The following CA10 variants were observed in gnomAD, a reference collection of about 807,000 sequenced individuals.
CA10 encodes the protein carbonic anhydrase-related protein 10.
A neutral mutation model predicts 44.2 loss-of-function variants in CA10; 14 were observed. The ratio of observed to expected loss-of-function variants is 0.32; its 90% confidence interval spans 0.21 to 0.50. The LOEUF (loss-of-function observed/expected upper bound fraction) is 0.50. Ranked by LOEUF, CA10 falls within the 20% of genes least tolerant of loss-of-function variation. CA10 has a pLI of 0.99. For missense variants in CA10, 350 were observed against 409.7 expected (o/e 0.85, Z 1.26); for synonymous variants, 159 against 141.6 (o/e 1.12, Z -0.87).
chr17:51,721,571 G>C (rs893482904), intron 4 of CA10, among the ~76,000 whole-genome samples: 6 of 151,900 alleles, frequency 3.9e-5, no homozygotes, highest in Admixed American at 6.6e-5. Flanking sequence ...CTGAGCTCAA[G>C]TGATCTGCCC....
At chr17:52,096,140 T>C (rs543287979) in intron 1 of CA10, among the ~76,000 whole-genome samples, 2 of 152,232 alleles carry the variant, frequency 1.3e-5, no homozygotes, top group South Asian at 4.1e-4. Context: ...GTACTAAGGT[T>C]CACCTGGCTG....
intron 3 of CA10, among the ~76,000 whole-genome samples, chr17:51,772,149 C>T (rs1213156326): frequency 1.3e-5 from 2 of 152,122 alleles, no homozygotes; most frequent in African/African-American, 4.8e-5. Context: ...ATGGGGAGAA[C>T]AATAGTGGCT....
At chr17:51,844,585 G>A (rs1385636785) in intron 3 of CA10, among the ~76,000 whole-genome samples, 2 of 152,092 alleles carry the variant, frequency 1.3e-5, no homozygotes, top group Non-Finnish European at 2.9e-5. Context: ...TAAATAACAT[G>A]GAATGTCTGT....
Position 52,158,061 on chromosome 17 carries a change from T to C in CA10, c.-275A>G. ...TGCCTTGGAGGTCTCCCCGCTCGCGTGTCTCTTCTCTTCGCACCAGCGGCG... is the reference window on the plus strand; with the variant it reads ...TGCCTTGGAGGTCTCCCCGCTCGCGCGTCTCTTCTCTTCGCACCAGCGGCG... On this transcript the variant is annotated 5_prime_UTR_variant, in exon 1 of 9. Coordinates refer to ENST00000451037, the MANE Select transcript of CA10 (RefSeq NM_020178.5). 1 of 539,572 alleles carries C rather than the reference T, an allele frequency of 1.9e-6. No homozygotes were observed. The highest frequency in any genetic ancestry group is 3.3e-6 in the Non-Finnish European group (1 of 301,806). 33.4% of individuals were successfully genotyped at this position (539,572 alleles called of 1,614,324 possible). A position where few individuals can be genotyped will look rare whatever the true frequency, so the allele number is the denominator to read the frequency against.
intron 3 of CA10, among the ~76,000 whole-genome samples, chr17:51,841,927 G>T (rs535473059): frequency 6.6e-6 from 1 of 152,324 alleles, no homozygotes; most frequent in South Asian, 2.1e-4. Context: ...AAGAGGAAGA[G>T]AAGGGGCTGT....
intron 3 of CA10, among the ~76,000 whole-genome samples, chr17:51,778,774 A>T (rs1297785807): frequency 6.6e-6 from 1 of 152,236 alleles, no homozygotes; most frequent in African/African-American, 2.4e-5. Flanking sequence ...GCTAGAAGGT[A>T]CAACAAATGC....
intron 2 of CA10, among the ~76,000 whole-genome samples, chr17:52,017,284 C>A (rs1398677713): frequency 6.6e-6 from 1 of 152,018 alleles, no homozygotes; most frequent in African/African-American, 2.4e-5. Context: ...CAGAGGAAGG[C>A]AGGAAGAAAG....
rs533670796 is a variant in CA10, at chr17:51,993,671, T to C, written c.137-62539A>G. Among the ~76,000 whole-genome samples the C allele has an allele frequency of 2.1e-3, 321 of 152,216 alleles. 1 individual carries two copies. The highest frequency in any genetic ancestry group is 7.3e-3 in the African/African-American group (303 of 41,568). On this transcript the variant is annotated intron_variant, in intron 2 of 8. Coordinates refer to ENST00000451037, the MANE Select transcript of CA10 (RefSeq NM_020178.5). ...TAACTCAAGGTCTTCCAAATCAGCCTTAAAAATAAGTATTATTTTGAGCTG... is the reference window on the plus strand; with the variant it reads ...TAACTCAAGGTCTTCCAAATCAGCCCTAAAAATAAGTATTATTTTGAGCTG...
intron 3 of CA10, among the ~76,000 whole-genome samples, chr17:51,867,912 A>T (rs1979623653): frequency 6.6e-6 from 1 of 152,076 alleles, no homozygotes; most frequent in East Asian, 1.9e-4. Context: ...GATTCTAAAA[A>T]CCTCTCAAAA....
intron 2 of CA10, among the ~76,000 whole-genome samples, chr17:52,016,878 C>T (rs115949429): frequency 2.1e-3 from 320 of 152,060 alleles, no homozygotes; most frequent in African/African-American, 7.3e-3. Context: ...GTGCCACTGC[C>T]CTCCAGCCTA....
At position 51,733,267 on chromosome 17, in the gene CA10, G is replaced by A. The variant is rs142683320; in HGVS notation, c.465+14366C>T. 6.2e-4 allele frequency among the ~76,000 whole-genome samples: 94 copies of A among 152,224 alleles called. 1 individual carries two copies. In the East Asian group the frequency reaches 0.018, roughly 29 times the overall value. On this transcript the variant is annotated intron_variant, in intron 4 of 8. Transcript: ENST00000451037. Reference sequence around the variant, plus strand: ...AACACTACCTGGTCCTCCCCAAATTGCCACACGCTCCAGGGAATTAGATGA... The same window carrying A: ...AACACTACCTGGTCCTCCCCAAATTACCACACGCTCCAGGGAATTAGATGA...
intron 3 of CA10, among the ~76,000 whole-genome samples, chr17:51,838,418 C>A (rs541923084): frequency 2.0e-5 from 3 of 152,200 alleles, no homozygotes; most frequent in Non-Finnish European, 4.4e-5. Context: ...CTCCAACCCC[C>A]CACCTCCATG....
intron 1 of CA10, among the ~76,000 whole-genome samples, chr17:52,094,634 A>T (rs1567731378): frequency 6.6e-6 from 1 of 152,206 alleles, no homozygotes; most frequent in East Asian, 1.9e-4. Flanking sequence ...TTAATAGGGA[A>T]AAGACGAAGT....
intron 1 of CA10, among the ~76,000 whole-genome samples, chr17:52,131,036 C>A (rs1989226911): frequency 6.6e-6 from 1 of 151,726 alleles, no homozygotes; most frequent in Admixed American, 6.6e-5. Context: ...ATTTATCTAT[C>A]CCACAATGTA....
intron 3 of CA10, among the ~76,000 whole-genome samples, chr17:51,813,327 G>A (rs1482746958): frequency 6.6e-6 from 1 of 152,224 alleles, no homozygotes; most frequent in Non-Finnish European, 1.5e-5. Context: ...CACACCTACG[G>A]TGCAGGTTTT....
chr17:51,645,932 G>C (rs1171477737), intron 6 of CA10, among the ~76,000 whole-genome samples: 1 of 152,138 alleles, frequency 6.6e-6, no homozygotes, highest in Non-Finnish European at 1.5e-5. Context: ...TTCATGACTA[G>C]GCCTTAAGTC....
At chr17:51,957,013 T>G (rs1983692206) in intron 2 of CA10, among the ~76,000 whole-genome samples, 1 of 152,286 alleles carries the variant, frequency 6.6e-6, no homozygotes, top group Admixed American at 6.5e-5. Flanking sequence ...CCTAGTTTTC[T>G]GTATTCAGTA....
intron 3 of CA10, among the ~76,000 whole-genome samples, chr17:51,765,627 A>T (rs895807949): frequency 2.0e-5 from 3 of 151,816 alleles, no homozygotes; most frequent in Non-Finnish European, 4.4e-5. Context: ...TGTAACCAAG[A>T]AGGCTGGTTA....
intron 3 of CA10, among the ~76,000 whole-genome samples, chr17:51,849,264 T>A (rs550902314): frequency 0.025 from 3,359 of 135,128 alleles, 111 homozygotes; most frequent in Middle Eastern, 0.051. Context: ...TATATATATA[T>A]AAAACTAAGT....
Sources: gnomAD v4.1 joint callset for allele counts (sites outside exome capture counted in the v4.1 genomes callset) on GRCh38, gnomAD v4.1.1 for gene constraint, MANE v1.5 for transcripts, NCBI Gene and HGNC (gene_info 2026-07-23, HGNC 2026-07-21) for gene names.